RBFOX1: variants seen among roughly 807,000 people sequenced by gnomAD.
RBFOX1 encodes RNA binding protein fox-1 homolog 1.
A neutral mutation model predicts 57.7 loss-of-function variants in RBFOX1; 8 were observed. That is an observed-to-expected ratio of 0.14 (90% CI 0.08 to 0.25). The LOEUF (loss-of-function observed/expected upper bound fraction) is 0.25. Among genes scored for constraint, RBFOX1 ranks in the 10% least tolerant of loss-of-function variants. The pLI is 1.00. For synonymous variants in RBFOX1, 326 were observed against 222.4 expected, an observed-to-expected ratio of 1.47 and a Z score of -4.15; for missense variants, 611 against 548.5, an observed-to-expected ratio of 1.11 and a Z score of -1.14.
At chr16:7,118,269 A>G (rs2066352922) in intron 4 of RBFOX1, among the ~76,000 whole-genome samples, 2 of 152,226 alleles carry the variant, frequency 1.3e-5, no homozygotes, top group South Asian at 4.1e-4. Flanking sequence ...TTCACTTTTT[A>G]ACAGTGGTCA....
intron 2 of RBFOX1, among the ~76,000 whole-genome samples, chr16:6,653,777 G>A (rs534502037): frequency 6.6e-6 from 1 of 151,834 alleles, no homozygotes; most frequent in African/African-American, 2.4e-5. Flanking sequence ...TGGATGGATG[G>A]ATAGGTGGGT....
At chr16:6,236,637 G>A (rs946880357) in intron 1 of RBFOX1, among the ~76,000 whole-genome samples, 12 of 152,040 alleles carry the variant, frequency 7.9e-5, no homozygotes, top group African/African-American at 2.7e-4. Context: ...TTTTAGTAGA[G>A]GTGGGGTTTC....
intron 1 of RBFOX1, among the ~76,000 whole-genome samples, chr16:5,292,249 C>T (rs560591141): frequency 6.6e-6 from 1 of 152,284 alleles, no homozygotes; most frequent in African/African-American, 2.4e-5. Context: ...AGGTTGACTC[C>T]CAGCTTGCTT....
chr16:7,477,343 C>A (rs977358737), intron 4 of RBFOX1, among the ~76,000 whole-genome samples: 4 of 152,112 alleles, frequency 2.6e-5, no homozygotes, highest in Non-Finnish European at 1.5e-5. Flanking sequence ...CTCCAAACAG[C>A]CCTAAATCAT....
chr16:6,470,242 A>G (rs2095143381), intron 2 of RBFOX1, among the ~76,000 whole-genome samples: 1 of 152,140 alleles, frequency 6.6e-6, no homozygotes, highest in Admixed American at 6.6e-5. Context: ...GTGGAAGGTG[A>G]GTAGGTTTAA....
intron 2 of RBFOX1, among the ~76,000 whole-genome samples, chr16:6,638,769 A>G (rs960818734): frequency 2.0e-5 from 3 of 152,218 alleles, no homozygotes; most frequent in Non-Finnish European, 4.4e-5. Flanking sequence ...TTGTAACTCC[A>G]TGCTGGTTTG....
chr16:7,638,975 A>G (rs1389189941), intron 11 of RBFOX1, among the ~76,000 whole-genome samples: 3 of 152,084 alleles, frequency 2.0e-5, no homozygotes, highest in Non-Finnish European at 4.4e-5. Context: ...ATTTTATCAC[A>G]TTTTAAATGA....
intron 4 of RBFOX1, among the ~76,000 whole-genome samples, chr16:7,226,839 C>G (rs2093154464): frequency 1.3e-5 from 2 of 152,158 alleles, no homozygotes; most frequent in Admixed American, 1.3e-4. Context: ...AAATGTAAGT[C>G]AGAGATTGCC....
At chr16:6,275,511 A>T (rs576646071) in intron 1 of RBFOX1, among the ~76,000 whole-genome samples, 16 of 152,256 alleles carry the variant, frequency 1.1e-4, no homozygotes, top group African/African-American at 3.4e-4. Flanking sequence ...TTTTCATTTC[A>T]CATCTGAGGG....
At chr16:6,209,936 G>A (rs1422704540) in intron 1 of RBFOX1, among the ~76,000 whole-genome samples, 1 of 152,076 alleles carries the variant, frequency 6.6e-6, no homozygotes, top group Admixed American at 6.5e-5. Flanking sequence ...ACAAGAGCTT[G>A]TATTTCTGTC....
intron 1 of RBFOX1, among the ~76,000 whole-genome samples, chr16:5,438,562 T>C (rs2067987143): frequency 6.6e-6 from 1 of 152,150 alleles, no homozygotes; most frequent in African/African-American, 2.4e-5. Context: ...ACCCAGCTAG[T>C]TCTCCTATTA....
At chr16:6,068,414 G>C (rs1282240935) in intron 1 of RBFOX1, among the ~76,000 whole-genome samples, 1 of 152,186 alleles carries the variant, frequency 6.6e-6, no homozygotes, top group African/African-American at 2.4e-5. Flanking sequence ...TGTATCAAAA[G>C]CCTACCTAGA....
chr16:7,221,248 G>A (rs966897680), intron 4 of RBFOX1, among the ~76,000 whole-genome samples: 1 of 152,074 alleles, frequency 6.6e-6, no homozygotes, highest in Non-Finnish European at 1.5e-5. Context: ...TAGAATAAGG[G>A]CTTCATAGCC....
chr16:5,241,871 G>T (rs568043892), intron 1 of RBFOX1, among the ~76,000 whole-genome samples: 3 of 151,890 alleles, frequency 2.0e-5, no homozygotes, highest in Non-Finnish European at 4.4e-5. Flanking sequence ...GAGGCCGAAG[G>T]GGGAGGATCG....
intron 9 of RBFOX1, among the ~76,000 whole-genome samples, chr16:7,600,788 G>A (rs1338733674): frequency 6.6e-6 from 1 of 152,192 alleles, no homozygotes; most frequent in Admixed American, 6.5e-5. Context: ...TAAATGTGAT[G>A]AGATACCTGT....
At chr16:5,905,181 C>A (rs1389778323) in intron 4 of RBFOX1, among the ~76,000 whole-genome samples, 1 of 149,604 alleles carries the variant, frequency 6.7e-6, no homozygotes, top group Non-Finnish European at 1.5e-5. Flanking sequence ...GATTCTCCTG[C>A]CTCAGCCTCA....
chr16:6,662,124 G>C (rs1388038395), intron 3 of RBFOX1, among the ~76,000 whole-genome samples: 1 of 72,126 alleles, frequency 1.4e-5, no homozygotes. Flanking sequence ...GTTGCCGAGG[G>C]CTGGGGGCGG....
chr16:5,384,821 T>G (rs549890184), intron 1 of RBFOX1, among the ~76,000 whole-genome samples: 129 of 152,296 alleles, frequency 8.5e-4, no homozygotes, highest in African/African-American at 2.6e-3. Context: ...CGTATAAATG[T>G]GCCTCATGTA....
intron 2 of RBFOX1, among the ~76,000 whole-genome samples, chr16:6,424,498 A>G (rs1179445726): frequency 2.6e-5 from 4 of 152,162 alleles, no homozygotes; most frequent in African/African-American, 9.7e-5. Context: ...GGGCTCCAGG[A>G]ATGCTACTGC....
Sources: allele counts gnomAD v4.1 joint callset (sites outside exome capture counted in the v4.1 genomes callset), GRCh38; gene constraint gnomAD v4.1.1; transcripts MANE v1.5; gene names NCBI Gene and HGNC (gene_info 2026-07-23, HGNC 2026-07-21).